NLK: variants seen among roughly 807,000 people sequenced by gnomAD.
NLK encodes the protein serine/threonine-protein kinase NLK.
In NLK, 11 loss-of-function variants were observed where a neutral mutation model predicts 59.0. The ratio of observed to expected loss-of-function variants is 0.19; its 90% confidence interval spans 0.12 to 0.31. The LOEUF (loss-of-function observed/expected upper bound fraction) is 0.31, where lower values mean the gene tolerates loss of function less well. Ranked by LOEUF, NLK falls within the 10% of genes least tolerant of loss-of-function variation. NLK has a pLI of 1.00. For missense variants in NLK, 410 were observed against 661.1 expected, an observed-to-expected ratio of 0.62 and a Z score of 4.16; for synonymous variants, 235 against 235.9, an observed-to-expected ratio of 1.00 and a Z score of 0.03.
chr17:28,103,270 T>C (rs1411204976), intron 1 of NLK, among the ~76,000 whole-genome samples: 1 of 152,176 alleles, frequency 6.6e-6, no homozygotes, highest in East Asian at 1.9e-4. Context: ...AGAAGTTCCA[T>C]AAGCCAGCCA....
chr17:28,176,077 T>G (rs573381623), intron 7 of NLK, among the ~76,000 whole-genome samples: 1 of 152,188 alleles, frequency 6.6e-6, no homozygotes, highest in African/African-American at 2.4e-5. Flanking sequence ...GTGAACTGTA[T>G]AACACTTTAC....
chr17:28,135,800 C>T (rs1025208363), intron 3 of NLK, among the ~76,000 whole-genome samples: 2 of 152,212 alleles, frequency 1.3e-5, no homozygotes, highest in African/African-American at 4.8e-5. Flanking sequence ...AGTTCAGGCA[C>T]ATATTGTTTA....
chr17:28,072,383 A>G lies in NLK; in HGVS notation c.458+29052A>G, dbSNP rs150306252. Among the ~76,000 whole-genome samples, 3 of 142,144 alleles carry G rather than the reference A, an allele frequency of 2.1e-5. No homozygotes were observed. The East Asian group carries it at 6.2e-4, about 29-fold the overall frequency. 93.3% of individuals were successfully genotyped at this position (142,144 alleles called of 152,430 possible). A position where few individuals can be genotyped will look rare whatever the true frequency, so the allele number is the denominator to read the frequency against. On this transcript the variant is annotated intron_variant, in intron 1 of 10. Coordinates refer to ENST00000407008, the MANE Select transcript of NLK (RefSeq NM_016231.5). ...CTTGGTCACCCAGGCTGGAGTGCAG[A>G]TGTGCGGTTACGGCTCACTGCAGCC...
At chr17:28,164,985 A>T (rs1262089770) in intron 5 of NLK, among the ~76,000 whole-genome samples, 2 of 152,166 alleles carry the variant, frequency 1.3e-5, no homozygotes, top group Non-Finnish European at 2.9e-5. Flanking sequence ...CTCAAGAAAG[A>T]TGAAAACCTA....
chr17:28,146,679 T>C (rs1463238187), intron 3 of NLK, among the ~76,000 whole-genome samples: 1 of 152,212 alleles, frequency 6.6e-6, no homozygotes, highest in African/African-American at 2.4e-5. Flanking sequence ...TAACTCCTTA[T>C]TTTAAAAATC....
intron 1 of NLK, among the ~76,000 whole-genome samples, chr17:28,114,925 CA>C (rs1275236329): frequency 2.0e-5 from 3 of 152,074 alleles, no homozygotes; most frequent in African/African-American, 7.2e-5. Context: ...ACTAAAAATG[CA>C]AGAAGAAAAC....
At position 28,080,177 on chromosome 17, in the gene NLK, C is replaced by T. The variant is rs180944976; in HGVS notation, c.458+36846C>T. Among the ~76,000 whole-genome samples the T allele has an allele frequency of 2.6e-5, 4 of 152,260 alleles. 1 individual carries two copies. The highest frequency in any genetic ancestry group is 4.4e-5 in the Non-Finnish European group (3 of 68,024). ...TTTTAAAGAAGAGCTTCCAGTCAGG[C>T]ACCGTCGCTCATGTCTGTAATCCTG... On this transcript the variant is annotated intron_variant, in intron 1 of 10. Transcript: ENST00000407008.
rs533867250 is a variant in NLK at position 28,163,242 on chromosome 17, A to G, written c.752-301A>G. ...AGTCCAATAGCCACACTGACTAGCA[A>G]TCTAAGGTTATTAGTATGGTCTTAA... On this transcript the variant is annotated intron_variant, in intron 4 of 10. Transcript: ENST00000407008. 1.7e-4 allele frequency among the ~76,000 whole-genome samples: 26 copies of G among 152,362 alleles called. No individual in the cohort carries two copies. The South Asian group carries it at 2.9e-3, about 17-fold the overall frequency.
intron 1 of NLK, among the ~76,000 whole-genome samples, chr17:28,107,928 A>T (rs1422235945): frequency 6.6e-6 from 1 of 152,166 alleles, no homozygotes; most frequent in African/African-American, 2.4e-5. Context: ...AAAACATCCT[A>T]AAAATGTCTT....
intron 1 of NLK, among the ~76,000 whole-genome samples, chr17:28,091,143 C>G (rs908394347): frequency 1.3e-5 from 2 of 152,068 alleles, no homozygotes; most frequent in African/African-American, 2.4e-5. Flanking sequence ...AAAAACAAGG[C>G]TGATTTGGGA....
chr17:28,155,093 G>A (rs1597713917), intron 3 of NLK, among the ~76,000 whole-genome samples: 1 of 152,042 alleles, frequency 6.6e-6, no homozygotes, highest in African/African-American at 2.4e-5. Flanking sequence ...ATGATCACTT[G>A]GTTAAATGAA....
At chr17:28,079,035 A>T (rs1338621958) in intron 1 of NLK, among the ~76,000 whole-genome samples, 2 of 152,050 alleles carry the variant, frequency 1.3e-5, no homozygotes, top group African/African-American at 4.8e-5. Flanking sequence ...ACAACTTCCC[A>T]TCCTCCCTAT....
intron 10 of NLK, among the ~76,000 whole-genome samples, 161 bp downstream of exon 10, chr17:28,192,374 CTG>C (rs1909335452): frequency 2.0e-5 from 3 of 152,172 alleles, no homozygotes; most frequent in Non-Finnish European, 2.9e-5. Context: ...TGTATTAAAA[CTG>C]TAAGCATCTG....
At chr17:28,075,690 A>C (rs773251674) in intron 1 of NLK, among the ~76,000 whole-genome samples, 1 of 152,124 alleles carries the variant, frequency 6.6e-6, no homozygotes, top group Non-Finnish European at 1.5e-5. Context: ...TCAAATGTGC[A>C]CCCTCCTCAG....
At chr17:28,091,573 T>C (rs1904496476) in intron 1 of NLK, among the ~76,000 whole-genome samples, 1 of 151,994 alleles carries the variant, frequency 6.6e-6, no homozygotes, top group Non-Finnish European at 1.5e-5. Flanking sequence ...TTATTAGATA[T>C]AAAATAACCC....
chr17:28,088,954 G>C (rs577894023), intron 1 of NLK, among the ~76,000 whole-genome samples: 4 of 152,188 alleles, frequency 2.6e-5, no homozygotes, highest in Non-Finnish European at 5.9e-5. Context: ...CCCATACAAA[G>C]TATTGGTTCC....
At chr17:28,058,028 CTTTAAAAGTGAGGTCTTTCAG>C (rs1352806841) in intron 1 of NLK, among the ~76,000 whole-genome samples, 5 of 152,162 alleles carry the variant, frequency 3.3e-5, no homozygotes, top group Non-Finnish European at 7.3e-5. Flanking sequence ...GACAGCAAGG[CTTTAAAAGTGAGGTCTTTCAG>C]TTTAGATGCA....
At chr17:28,066,678 A>G (rs989964476) in intron 1 of NLK, among the ~76,000 whole-genome samples, 3 of 152,248 alleles carry the variant, frequency 2.0e-5, no homozygotes, top group African/African-American at 7.2e-5. Context: ...GCTTAAAAGA[A>G]ACTACCAAAC....
At chr17:28,106,622 G>C (rs965100176) in intron 1 of NLK, among the ~76,000 whole-genome samples, 10 of 152,292 alleles carry the variant, frequency 6.6e-5, no homozygotes, top group African/African-American at 2.4e-4. Flanking sequence ...TGTTTTAAAT[G>C]CACAGATTTG....
Sources: allele counts gnomAD v4.1 joint callset (sites outside exome capture counted in the v4.1 genomes callset), GRCh38; gene constraint gnomAD v4.1.1; transcripts MANE v1.5; gene names NCBI Gene and HGNC (gene_info 2026-07-23, HGNC 2026-07-21).